SGCE: variants seen among roughly 807,000 people sequenced by gnomAD.
SGCE encodes the protein sarcoglycan epsilon.
SGCE carries 26 observed loss-of-function variants against 57.8 expected under a neutral mutation model. The observed-to-expected ratio is 0.45, with a 90% CI of 0.33 to 0.62. The LOEUF is 0.62. SGCE is among the 20% of genes least tolerant of loss of function. The pLI, the probability that SGCE is intolerant of heterozygous loss-of-function variation, is 0.02. For missense variants in SGCE, 468 were observed against 548.6 expected, an observed-to-expected ratio of 0.85 and a Z score of 1.47; for synonymous variants, 183 against 189.5, an observed-to-expected ratio of 0.97 and a Z score of 0.28.
chr7:94,624,177 AAAC>A, intron 3 of SGCE: 2 of 397,848 alleles, frequency 5.0e-6, no homozygotes, highest in Non-Finnish European at 4.4e-6. Context: ...AAAAAAAAAA[AAAC>A]AAATGATTGT....
chr7:94,599,074 T>TTATGGCAC (rs1798834902), intron 8 of SGCE, 111 bp from the exon 9 acceptor site: 1 of 752,138 alleles, frequency 1.3e-6, no homozygotes, highest in Admixed American at 2.6e-5. Flanking sequence ...TAATAAGACA[T>TTATGGCAC]TATGGCACTT....
At chr7:94,644,468 G>A in intron 1 of SGCE, 1 of 336,542 alleles carries the variant, frequency 3.0e-6, no homozygotes, top group Non-Finnish European at 5.7e-6. Flanking sequence ...TTGAAGAGCT[G>A]TGAATAGTGA....
At chr7:94,608,797 AG>A (rs1447805948) in intron 5 of SGCE, among the ~76,000 whole-genome samples, 9 of 152,254 alleles carry the variant, frequency 5.9e-5, no homozygotes, top group Non-Finnish European at 1.5e-5. Flanking sequence ...TCTGTGGCAA[AG>A]GAGCAAAGGC....
At chr7:94,604,369 G>A (rs1217818238) in intron 5 of SGCE, among the ~76,000 whole-genome samples, 1 of 151,730 alleles carries the variant, frequency 6.6e-6, no homozygotes, top group Non-Finnish European at 1.5e-5. Flanking sequence ...TTGACTAACT[G>A]ATCCTAAAAT....
chr7:94,647,443 G>C (rs190874448), intron 1 of SGCE, among the ~76,000 whole-genome samples: 28 of 152,188 alleles, frequency 1.8e-4, no homozygotes, highest in Admixed American at 6.5e-4. Context: ...ATTACTAAAG[G>C]AGCTTACTAG....
chr7:94,610,509 G>T (rs1584591111), intron 5 of SGCE, among the ~76,000 whole-genome samples: 1 of 152,176 alleles, frequency 6.6e-6, no homozygotes, highest in Admixed American at 6.5e-5. Flanking sequence ...CTTAAAAATA[G>T]TATACGCACA....
intron 1 of SGCE, chr7:94,639,382 T>A: frequency 1.3e-6 from 2 of 1,535,662 alleles, no homozygotes; most frequent in Non-Finnish European, 1.7e-6. Flanking sequence ...GATAATAAAA[T>A]TGTTGGCCTG....
At chr7:94,610,174 A>G (rs1451741176) in intron 5 of SGCE, among the ~76,000 whole-genome samples, 1 of 152,238 alleles carries the variant, frequency 6.6e-6, no homozygotes, top group Non-Finnish European at 1.5e-5. Flanking sequence ...GGAGACAGTA[A>G]AAACATCAAT....
chr7:94,618,622 A>G, intron 5 of SGCE, 136 bp downstream of exon 5: 1 of 691,394 alleles, frequency 1.4e-6, no homozygotes. Context: ...AATTACTAGT[A>G]TGTTCATATC....
At chr7:94,596,755 G>A (rs141793310) in intron 9 of SGCE, among the ~76,000 whole-genome samples, 1 of 152,054 alleles carries the variant, frequency 6.6e-6, no homozygotes, top group Non-Finnish European at 1.5e-5. Flanking sequence ...AAACAATTTG[G>A]TTAGCTACAG....
In SGCE at chr7:94,628,250, T is replaced by C; in HGVS notation, c.342A>G (p.Leu114=). 2 of 1,611,990 alleles carry C rather than the reference T, an allele frequency of 1.2e-6. No homozygotes were observed. The highest frequency in any genetic ancestry group is 2.2e-5 in the East Asian group (1 of 44,814). Residue 114 remains leucine (L), a synonymous_variant, in exon 3 of 11, where the codon CTA becomes CTG. Transcript: ENST00000648936. ...CATTTTCAGCTGTTGGGGACCCATA[T>C]AGGACTCCATCACTATATGGTGTCC... ...IQRTPYSDGV[L]YGSPTAENVG... is the part of the protein sequence containing the mutation.
chr7:94,616,410 G>T lies in SGCE; in HGVS notation c.662+2348C>A, dbSNP rs1042271763. ...ATTACACAAAGCACATTTATTAGGTGCCTAGTTAATACTTCTGAAGTGTAT... is the reference window on the plus strand; with the variant it reads ...ATTACACAAAGCACATTTATTAGGTTCCTAGTTAATACTTCTGAAGTGTAT... On this transcript the variant is annotated intron_variant, in intron 5 of 10. Coordinates refer to ENST00000648936, the MANE Select transcript of SGCE (RefSeq NM_003919.3). Among the ~76,000 whole-genome samples, 6 of 152,250 alleles carry T rather than the reference G, an allele frequency of 3.9e-5. No individual in the cohort carries two copies. In the South Asian group the frequency reaches 1.2e-3, roughly 32 times the overall value.
intron 5 of SGCE, among the ~76,000 whole-genome samples, chr7:94,613,222 C>T (rs1001164511): frequency 4.6e-5 from 7 of 152,260 alleles, no homozygotes; most frequent in Non-Finnish European, 1.0e-4. Context: ...TGTAGAATCA[C>T]TAAGTTTGAA....
chr7:94,648,507 A>G (rs1300277742), intron 1 of SGCE, among the ~76,000 whole-genome samples: 1 of 152,056 alleles, frequency 6.6e-6, no homozygotes, highest in African/African-American at 2.4e-5. Context: ...CTTCACCATT[A>G]TATCTCTAAG....
chr7:94,625,438 C>T (rs552139843), intron 3 of SGCE: 1 of 152,028 alleles, frequency 6.6e-6, no homozygotes, highest in South Asian at 2.1e-4. Flanking sequence ...AATGAATGCA[C>T]TCACAATGAA....
chr7:94,652,293 G>A (rs1808014501), intron 1 of SGCE, among the ~76,000 whole-genome samples: 2 of 152,134 alleles, frequency 1.3e-5, no homozygotes, highest in African/African-American at 2.4e-5. Flanking sequence ...GGTGTTTACA[G>A]AATATGGAAG....
At chr7:94,598,563 T>C in intron 9 of SGCE, 1 of 576,578 alleles carries the variant, frequency 1.7e-6, no homozygotes, top group South Asian at 2.0e-5. Flanking sequence ...TGTAGTCTTG[T>C]TTGGATCAGT....
chr7:94,632,038 T>C (rs1340368150), intron 1 of SGCE, among the ~76,000 whole-genome samples: 2 of 152,066 alleles, frequency 1.3e-5, no homozygotes, highest in African/African-American at 4.8e-5. Flanking sequence ...TAATACAAAG[T>C]ACGGCAGAGG....
intron 1 of SGCE, among the ~76,000 whole-genome samples, chr7:94,630,324 A>G (rs1804492550): frequency 1.3e-5 from 2 of 151,864 alleles, no homozygotes; most frequent in South Asian, 4.1e-4. Context: ...ATGTCAGACT[A>G]TATAACACTA....
Sources: allele counts gnomAD v4.1 joint callset (sites outside exome capture counted in the v4.1 genomes callset), GRCh38; gene constraint gnomAD v4.1.1; transcripts MANE v1.5; gene names NCBI Gene and HGNC (gene_info 2026-07-23, HGNC 2026-07-21).